ANK2: variants seen among roughly 807,000 people sequenced by gnomAD.
ANK2 encodes the protein ankyrin 2, also known as ankyrin-2.
A neutral mutation model predicts 360.5 loss-of-function variants in ANK2; 83 were observed. That is an observed-to-expected ratio of 0.23 (90% CI 0.19 to 0.28). ANK2 has a LOEUF of 0.28. Ranked by LOEUF, ANK2 falls within the 10% of genes least tolerant of loss-of-function variation. The pLI, the probability that ANK2 is intolerant of heterozygous loss-of-function variation, is 1.00. For missense variants in ANK2, 4,201 were observed against 4,795.7 expected, an observed-to-expected ratio of 0.88 and a Z score of 3.66; for synonymous variants, 1,740 against 1,759.5, an observed-to-expected ratio of 0.99 and a Z score of 0.28.
rs545122692 is a variant in ANK2 at position 112,909,650 on chromosome 4, A to G, written c.21+5136A>G. Among the ~76,000 whole-genome samples, 3 of 152,364 alleles carry G rather than the reference A, an allele frequency of 2.0e-5. No individual in the cohort carries two copies. In the East Asian group the frequency reaches 5.8e-4, roughly 29 times the overall value. ...AAATGAAAACTCAATAAACCAAAGT[A>G]GCACGGATTTTTCTGAAAGAAAAGA... On this transcript the variant is annotated intron_variant, in intron 2 of 30. Coordinates refer to the ANK2 transcript ENST00000503271.
intron 1 of ANK2, among the ~76,000 whole-genome samples, chr4:112,903,624 AT>A (rs1468888269): frequency 6.6e-6 from 1 of 152,236 alleles, no homozygotes; most frequent in African/African-American, 2.4e-5. Context: ...AAAGTCTGAT[AT>A]ATTGTGATTC....
At chr4:113,339,005 C>T (rs1472395374) in intron 31 of ANK2, among the ~76,000 whole-genome samples, 1 of 152,134 alleles carries the variant, frequency 6.6e-6, no homozygotes, top group Non-Finnish European at 1.5e-5. Context: ...TTAATAAACA[C>T]TTATTCAAAT....
At chr4:112,738,803 G>C in the ANK2 span, 6 of 624,398 alleles carry the variant, frequency 9.6e-6, no homozygotes, top group African/African-American at 1.1e-4. Flanking sequence ...TTGACAACAG[G>C]GTTCATAGAA....
intron 2 of ANK2, among the ~76,000 whole-genome samples, chr4:112,960,913 TTCATAAGGCTTGAA>T (rs1482522530): frequency 6.6e-6 from 1 of 152,160 alleles, no homozygotes; most frequent in Non-Finnish European, 1.5e-5. Context: ...TATTTGTTTT[TTCATAAGGCTTGAA>T]TCAGATACTT....
chr4:112,811,968 A>G, the ANK2 span, among the ~76,000 whole-genome samples: 5 of 149,498 alleles, frequency 3.3e-5, no homozygotes, highest in African/African-American at 4.9e-5. Context: ...CCAGCTACTC[A>G]GGAGGCTGAG....
rs2095844765 is a variant in ANK2 at position 113,357,211 on chromosome 4, A to T, written c.8593A>T (p.Ile2865Leu). ...TGAAGGAAAAGAATTAGATGAAGAC[A>T]TATCTGCCACATCTTCTATTCAAAA... ...VSEGKELDED[I>L]SATSSIQKTE... is the part of the protein sequence containing the mutation. Residue 2865 changes from isoleucine to leucine, a missense_variant, in exon 38 of 46, where the codon ATA becomes TTA. Transcript: ENST00000357077. 4 of 1,614,122 alleles carry T rather than the reference A, an allele frequency of 2.5e-6. No homozygotes were observed. In the East Asian group the frequency reaches 8.9e-5, roughly 36 times the overall value.
chr4:113,119,397 AC>A (rs1454332584), intron 1 of ANK2, among the ~76,000 whole-genome samples: 1 of 149,352 alleles, frequency 6.7e-6, no homozygotes, highest in East Asian at 2.0e-4. Context: ...CCCACCACAC[AC>A]ACATAAGCAC....
intron 1 of ANK2, among the ~76,000 whole-genome samples, chr4:113,135,334 G>A (rs1211969474): frequency 3.9e-5 from 6 of 152,164 alleles, no homozygotes; most frequent in African/African-American, 1.2e-4. Context: ...GGTGACAGCT[G>A]TAAGGAGGAT....
chr4:112,708,791 A>G, the ANK2 span, among the ~76,000 whole-genome samples: 1 of 152,160 alleles, frequency 6.6e-6, no homozygotes, highest in Non-Finnish European at 1.5e-5. Context: ...CCTAATTTGT[A>G]TGTACCTAAA....
At chr4:113,009,359 T>C (rs2053975375) in intron 2 of ANK2, among the ~76,000 whole-genome samples, 1 of 152,214 alleles carries the variant, frequency 6.6e-6, no homozygotes, top group Non-Finnish European at 1.5e-5. Flanking sequence ...GTGTTCTCTA[T>C]ATATTTTCTC....
At chr4:113,201,628 A>G (rs1418917267) in intron 4 of ANK2, among the ~76,000 whole-genome samples, 2 of 152,340 alleles carry the variant, frequency 1.3e-5, no homozygotes, top group Non-Finnish European at 2.9e-5. Context: ...AATCTGTGAA[A>G]AGACCATATT....
intron 9 of ANK2, among the ~76,000 whole-genome samples, chr4:113,247,016 G>T (rs2043242900): frequency 7.4e-6 from 1 of 134,666 alleles, no homozygotes; most frequent in South Asian, 2.8e-4. Flanking sequence ...ATTGTTGAAA[G>T]AATGACCTAA....
Position 113,330,476 on chromosome 4 carries a change from G to A in ANK2, c.3125+6G>A, listed in dbSNP as rs763791737. On this transcript the variant is annotated splice_donor_region_variant and intron_variant, in intron 27 of 45. Transcript: ENST00000357077. ...TCTGGTGCTCAGTTCCTTGGGTAAG[G>A]GTTTCTGATAAACCTCCCACTTAGT... The A allele has an allele frequency of 1.8e-5, 29 of 1,613,674 alleles. No individual in the cohort carries two copies. Among genetic ancestry groups the A allele is most frequent in the African/African-American group, 4.0e-5 (3 of 74,912 alleles).
At chr4:112,935,381 T>A (rs1413344657) in intron 2 of ANK2, among the ~76,000 whole-genome samples, 1 of 152,226 alleles carries the variant, frequency 6.6e-6, no homozygotes, top group Non-Finnish European at 1.5e-5. Context: ...GAATCACTAT[T>A]CTTTGAGTCC....
the ANK2 span, among the ~76,000 whole-genome samples, chr4:112,729,303 A>G: frequency 1.3e-5 from 2 of 152,180 alleles, no homozygotes; most frequent in Non-Finnish European, 2.9e-5. Flanking sequence ...AAAAAATAAA[A>G]CTACCATATG....
intron 1 of ANK2, among the ~76,000 whole-genome samples, chr4:112,846,134 G>T (rs1281315707): frequency 6.7e-6 from 1 of 149,440 alleles, no homozygotes; most frequent in African/African-American, 2.5e-5. Context: ...TCTTTTTTTT[G>T]AGATAGGGTC....
At position 113,358,981 on chromosome 4, in the gene ANK2, G is replaced by T. The variant is rs766996807; in HGVS notation, c.10363G>T (p.Gly3455Trp). ...CAGAAGCACTACATCTTCCTGCAGG[G>T]GGGGCACGAGCCCCACAAAAGAAAG... ...KSRSTTSSCR[G>W]GTSPTKESKE... Residue 3455 changes from glycine (G) to tryptophan (W), a missense_variant, in exon 38 of 46, where the codon GGG (glycine) becomes TGG (tryptophan). This residue lies in a region of ANK2 where 2,642 missense variants were observed against 2,714.5 expected (regional missense o/e 0.97). Transcript: ENST00000357077. 4.3e-6 allele frequency: 7 copies of T among 1,614,078 alleles called. No individual in the cohort carries two copies. Among genetic ancestry groups the T allele is most frequent in the East Asian group, 2.2e-5 (1 of 44,864 alleles).
At chr4:112,725,760 C>G in the ANK2 span, among the ~76,000 whole-genome samples, 1 of 151,994 alleles carries the variant, frequency 6.6e-6, no homozygotes, top group Non-Finnish European at 1.5e-5. Context: ...ATAGTGGTAG[C>G]CAAGGGCTGG....
intron 1 of ANK2, among the ~76,000 whole-genome samples, chr4:113,158,557 T>C (rs2097387402): frequency 6.6e-6 from 1 of 152,234 alleles, no homozygotes; most frequent in African/African-American, 2.4e-5. Flanking sequence ...CAACTCTATC[T>C]TGGTGGAATG....
Sources: allele counts gnomAD v4.1 joint callset (sites outside exome capture counted in the v4.1 genomes callset), GRCh38; gene constraint gnomAD v4.1.1; regional missense constraint gnomAD v4.1.1; transcripts MANE v1.5; gene names NCBI Gene and HGNC (gene_info 2026-07-23, HGNC 2026-07-21).